Variants in ZFR2 observed in about 807,000 individuals in gnomAD.
ZFR2 encodes zinc finger RNA binding protein 2.
Under a neutral mutation model 105.7 loss-of-function variants are expected in ZFR2, and 104 were observed. The ratio of observed to expected loss-of-function variants is 0.98; its 90% CI spans 0.84 to 1.16. The LOEUF (loss-of-function observed/expected upper bound fraction) is 1.16, where lower values mean the gene tolerates loss of function less well. ZFR2 is among the 50% of genes most tolerant of loss of function. ZFR2 has a pLI of 0.00. For missense variants in ZFR2, 1,425 were observed against 1,355.5 expected, an observed-to-expected ratio of 1.05 and a Z score of -0.80; for synonymous variants, 634 against 597.7, an observed-to-expected ratio of 1.06 and a Z score of -0.89.
rs760895633 is a variant in ZFR2 at position 3,821,604 on chromosome 19, C to CCT, written c.1492-126_1492-125insAG. On this transcript the variant is annotated intron_variant, in intron 9 of 18. Transcript: ENST00000262961. The stretch of plus-strand genomic sequence containing the variant: ...GTTGGGCTGAAAAATCTCCCAAAGC[C>CCT]TTTTTTTTTTTTTTTTTTTTTTTTT... The CCT allele has an allele frequency of 1.1e-3, 279 of 248,422 alleles. 3 individuals are homozygous for CCT. Among genetic ancestry groups the CCT allele is most frequent in the African/African-American group, 5.4e-3 (140 of 25,700 alleles). The allele number at this position is 248,422 out of a possible 1,614,324, so 15.4% of individuals were successfully genotyped here.
chr19:3,826,114 G>A (rs866888233), intron 6 of ZFR2, among the ~76,000 whole-genome samples: 5 of 151,892 alleles, frequency 3.3e-5, no homozygotes, highest in African/African-American at 4.8e-5. Context: ...CTGCCCCACC[G>A]GCCCCTAGCT....
At chr19:3,868,518 A>C (rs1599263731) in intron 1 of ZFR2, among the ~76,000 whole-genome samples, 4 of 129,348 alleles carry the variant, frequency 3.1e-5, no homozygotes, top group African/African-American at 6.0e-5. Flanking sequence ...CCGGCCAGGC[A>C]CCTCCCAGGT....
In ZFR2 at chr19:3,804,983, G is replaced by C. The variant is rs2037681626; in HGVS notation, c.*966C>G. The C allele has an allele frequency of 1.3e-5, 2 of 152,296 alleles. No homozygotes were observed. The highest frequency in any genetic ancestry group is 4.1e-4 in the South Asian group (2 of 4,838). 9.4% of individuals were successfully genotyped at this position (152,296 alleles called of 1,614,324 possible). A position where few individuals can be genotyped will look rare whatever the true frequency, so the allele number is the denominator to read the frequency against. ...CAGCCTCGAACTCCTGGGCTCAAGG[G>C]ATCCTACGGCCTCAGCCTCCCGAGT... On this transcript the variant is annotated 3_prime_UTR_variant, in exon 19 of 19. Coordinates refer to ENST00000262961, the MANE Select transcript of ZFR2 (RefSeq NM_015174.2).
chr19:3,814,662 G>T (rs1023168906), intron 13 of ZFR2, among the ~76,000 whole-genome samples: 2 of 152,242 alleles, frequency 1.3e-5, no homozygotes, highest in African/African-American at 4.8e-5. Flanking sequence ...CCACCAGGCT[G>T]CAAGTTTTCC....
In ZFR2 at chr19:3,816,814, C is replaced by G; in HGVS notation, c.1963G>C (p.Gly655Arg). Residue 655 changes from glycine (G) to arginine (R), a missense_variant, in exon 13 of 19, where the codon GGC becomes CGC. Physicochemically the swap from Gly to Arg is moderately radical, Grantham distance 125 (BLOSUM62 -2). Transcript: ENST00000262961. ...SVAPQTRVLK[G>R]VMRVGILAKG... ...GCCAGGATGCCTACTCGCATGACGC[C>G]TTTCAGGACCCGAGTCTGGGGGGCA... 6.3e-7 allele frequency: 1 copy of G among 1,579,540 alleles called. No individual in the cohort carries two copies. Among genetic ancestry groups the G allele is most frequent in the Non-Finnish European group, 8.6e-7 (1 of 1,164,116 alleles).
At chr19:3,853,286 C>G (rs1016440292) in intron 1 of ZFR2, among the ~76,000 whole-genome samples, 5 of 152,166 alleles carry the variant, frequency 3.3e-5, no homozygotes, top group African/African-American at 1.2e-4. Flanking sequence ...GGCGGTCACG[C>G]TGACTCCCCC....
intron 9 of ZFR2, 94 bp downstream of exon 9, chr19:3,821,987 C>A: frequency 6.8e-7 from 1 of 1,475,076 alleles, no homozygotes; most frequent in Non-Finnish European, 9.0e-7. Context: ...CGTCGGATCA[C>A]ACGCGCGGAA....
chr19:3,866,929 A>AG (rs2038436734), intron 1 of ZFR2, among the ~76,000 whole-genome samples: 1 of 152,216 alleles, frequency 6.6e-6, no homozygotes, highest in Admixed American at 6.5e-5. Context: ...ACTCCACCAG[A>AG]GAAACCACTC....
At chr19:3,829,611 C>T (rs2037989973) in intron 5 of ZFR2, among the ~76,000 whole-genome samples, 1 of 152,046 alleles carries the variant, frequency 6.6e-6, no homozygotes, top group Admixed American at 6.6e-5. Context: ...CTCCTGGGCT[C>T]AAACGATCCT....
In ZFR2 at chr19:3,821,335, G is replaced by A. The variant is rs1266686314; in HGVS notation, c.1631+5C>T. On this transcript the variant is annotated splice_donor_5th_base_variant and intron_variant, in intron 10 of 18. Transcript: ENST00000262961. ...GCCCCCTTGCCAAGACCCGCAGCCG[G>A]GCACCTCCTCTCCGCGTGCCAGCGC... 1 of 1,584,922 alleles carries A rather than the reference G, an allele frequency of 6.3e-7. No individual in the cohort carries two copies. The highest frequency in any genetic ancestry group is 2.2e-4 in the Middle Eastern group (1 of 4,516).
intron 17 of ZFR2, 57 bp downstream of exon 17, chr19:3,808,815 G>T: frequency 6.3e-6 from 9 of 1,419,106 alleles, no homozygotes; most frequent in Non-Finnish European, 8.6e-6. Flanking sequence ...ATGGCCACGG[G>T]CCCTGGTCTC....
At chr19:3,818,841 C>T (rs899876969) in intron 12 of ZFR2, among the ~76,000 whole-genome samples, 11 of 152,256 alleles carry the variant, frequency 7.2e-5, no homozygotes, top group African/African-American at 2.4e-4. Flanking sequence ...ACGGATCACC[C>T]GCTGCAAACC....
rs114684846 is a variant in ZFR2, at chr19:3,806,865, G to A, written c.2643+307C>T. 4.6e-3 allele frequency among the ~76,000 whole-genome samples: 704 copies of A among 152,318 alleles called. 1 individual carries two copies. Among genetic ancestry groups the A allele is most frequent in the African/African-American group, 0.016 (668 of 41,566 alleles). ...TGAGGGCTGGGCAGGCGGAGCTGTC[G>A]GCCACGGCTGGGCTTCTAGGACCAT... On this transcript the variant is annotated intron_variant, in intron 18 of 18. Transcript: ENST00000262961.
chr19:3,816,557 G>A (rs1568419011), intron 13 of ZFR2, 117 bp downstream of exon 13: 1 of 1,412,252 alleles, frequency 7.1e-7, no homozygotes, highest in Non-Finnish European at 9.3e-7. Flanking sequence ...AATGCTTCTT[G>A]TACCTTAAAG....
chr19:3,856,836 T>A (rs1440846342), intron 1 of ZFR2: 2 of 152,118 alleles, frequency 1.3e-5, no homozygotes, highest in Non-Finnish European at 2.9e-5. Flanking sequence ...GTTCAAGCGA[T>A]TCTCCTGCCT....
chr19:3,837,230 T>C (rs10403814), intron 1 of ZFR2, among the ~76,000 whole-genome samples: 125,527 of 152,206 alleles, frequency 0.82, 52,413 homozygotes, highest in East Asian at 0.98. Context: ...CTTTGCCTCC[T>C]GGCTTCAAGC....
intron 16 of ZFR2, among the ~76,000 whole-genome samples, chr19:3,810,262 G>A (rs1379878082): frequency 2.0e-5 from 3 of 152,226 alleles, no homozygotes; most frequent in Admixed American, 2.0e-4. Flanking sequence ...GGGAGCGTGG[G>A]CATGGGGCGT....
At chr19:3,818,360 G>C (rs1038361905) in intron 12 of ZFR2, among the ~76,000 whole-genome samples, 1 of 152,162 alleles carries the variant, frequency 6.6e-6, no homozygotes, top group Non-Finnish European at 1.5e-5. Context: ...CCAGCTACTC[G>C]GGAGGCTGAG....
rs573659640 is a variant in ZFR2, at chr19:3,838,888, G to A, written c.54-3905C>T. Among the ~76,000 whole-genome samples the A allele has an allele frequency of 9.2e-5, 14 of 152,260 alleles. No individual in the cohort carries two copies. The highest frequency in any genetic ancestry group is 2.1e-4 in the South Asian group (1 of 4,824). The stretch of plus-strand genomic sequence containing the variant: ...AGCTGCAGCTGCCCAGCTGTCTCCC[G>A]GGGCCGCGGCACGTGGCATGCAGCA... On this transcript the variant is annotated intron_variant, in intron 1 of 18. Coordinates refer to ENST00000262961, the MANE Select transcript of ZFR2 (RefSeq NM_015174.2). The surrounding 1 kb of genome is among the most constrained non-coding windows in gnomAD (Gnocchi z 4.9).
Sources: gnomAD v4.1 joint callset for allele counts (sites outside exome capture counted in the v4.1 genomes callset) on GRCh38, gnomAD v4.1.1 for gene constraint, Gnocchi (gnomAD v3.1) non-coding constraint, MANE v1.5 for transcripts, NCBI Gene and HGNC (gene_info 2026-07-23, HGNC 2026-07-21) for gene names.